The following CREB3L1 variants were observed in gnomAD, a reference collection of about 807,000 sequenced individuals.
The protein encoded by CREB3L1 is cyclic AMP-responsive element-binding protein 3-like protein 1.
A neutral mutation model predicts 54.5 loss-of-function variants in CREB3L1; 33 were observed. That is an observed-to-expected ratio of 0.61 (90% CI 0.46 to 0.81). The LOEUF (loss-of-function observed/expected upper bound fraction) is 0.81. CREB3L1 is among the 30% of genes least tolerant of loss of function. CREB3L1 has a pLI of 0.00. For synonymous variants in CREB3L1, 284 were observed against 286.4 expected (o/e 0.99, Z 0.08); for missense variants, 656 against 673.3 (o/e 0.97, Z 0.29).
intron 1 of CREB3L1, among the ~76,000 whole-genome samples, chr11:46,298,021 C>A (rs765700479): frequency 6.6e-6 from 1 of 152,162 alleles, no homozygotes; most frequent in South Asian, 2.1e-4. Flanking sequence ...GAGGTAGGAA[C>A]TATTATTTTC....
chr11:46,307,742 G>GGTA, intron 2 of CREB3L1, 74 bp from the exon 3 acceptor site: 1 of 1,317,798 alleles, frequency 7.6e-7, no homozygotes, highest in South Asian at 1.5e-5. Flanking sequence ...TTCAGCCTAG[G>GGTA]GTAGCTCCCA....
intron 5 of CREB3L1, among the ~76,000 whole-genome samples, chr11:46,311,684 G>T (rs117246933): frequency 0.088 from 13,446 of 152,184 alleles, 801 homozygotes; most frequent in Middle Eastern, 0.18. Flanking sequence ...TTTTAGTAGA[G>T]ACAGCATTTC....
At chr11:46,294,960 G>T (rs1011833603) in intron 1 of CREB3L1, among the ~76,000 whole-genome samples, 1 of 152,004 alleles carries the variant, frequency 6.6e-6, no homozygotes, top group Non-Finnish European at 1.5e-5. Flanking sequence ...AGGAATGTCC[G>T]GGCTCAGGAT....
chr11:46,311,669 T>C (rs1317548900), intron 5 of CREB3L1, among the ~76,000 whole-genome samples: 1 of 152,188 alleles, frequency 6.6e-6, no homozygotes, highest in East Asian at 1.9e-4. Context: ...AGCTAATTTA[T>C]GTACTTTTAG....
At chr11:46,316,458 G>A in intron 9 of CREB3L1, 73 bp downstream of exon 9, 1 of 1,026,900 alleles carries the variant, frequency 9.7e-7, no homozygotes, top group Non-Finnish European at 1.5e-6. Flanking sequence ...TCCAGGGTTG[G>A]GCAGAGCTTT....
At chr11:46,311,245 G>C (rs559287577) in intron 5 of CREB3L1, 56 bp downstream of exon 5, 1 of 1,452,906 alleles carries the variant, frequency 6.9e-7, no homozygotes, top group African/African-American at 1.4e-5. Flanking sequence ...ACATCCACCT[G>C]AGCACACTGG....
chr11:46,294,608 G>C (rs1343000600), intron 1 of CREB3L1, among the ~76,000 whole-genome samples: 2 of 152,064 alleles, frequency 1.3e-5, no homozygotes, highest in Admixed American at 6.5e-5. Flanking sequence ...TTTAGCTCTG[G>C]GAAGGCAAGG....
At position 46,300,056 on chromosome 11, in the gene CREB3L1, T is replaced by C. The variant is rs749231757; in HGVS notation, c.224T>C (p.Leu75Pro). ...AAGAGCCCTCTATTGGACATGGAAC[T>C]GGACTCCCCTACGCCAGGCATCCAG... ...DEKSPLLDME[L>P]DSPTPGIQAE... Residue 75 changes from leucine (L) to proline (P), a missense_variant, in exon 2 of 12, where the codon CTG (leucine) becomes CCG (proline). Around this residue, in one of 3 missense-constraint regions of CREB3L1, gnomAD observed 339 missense variants for 331.5 expected, o/e 1.02. Coordinates refer to ENST00000621158, the MANE Select transcript of CREB3L1 (RefSeq NM_052854.4). 11 of 1,613,836 alleles carry C rather than the reference T, an allele frequency of 6.8e-6. No homozygotes were observed. The highest frequency in any genetic ancestry group is 7.6e-6 in the Non-Finnish European group (9 of 1,179,876).
chr11:46,286,654 G>A (rs1194579686), intron 1 of CREB3L1, among the ~76,000 whole-genome samples: 2 of 151,872 alleles, frequency 1.3e-5, no homozygotes, highest in African/African-American at 4.8e-5. Context: ...GCGTGGTGGC[G>A]GGAGCCTGTA....
intron 1 of CREB3L1, among the ~76,000 whole-genome samples, chr11:46,288,361 C>T (rs753534982): frequency 4.6e-5 from 7 of 152,170 alleles, no homozygotes; most frequent in Admixed American, 1.3e-4. Context: ...GGATTATAGG[C>T]GTGAGCCACC....
intron 1 of CREB3L1, among the ~76,000 whole-genome samples, chr11:46,280,114 T>C (rs527352316): frequency 4.0e-5 from 6 of 151,458 alleles, no homozygotes; most frequent in African/African-American, 9.7e-5. Context: ...TTTAATTCTG[T>C]CTCTGTTTCT....
At chr11:46,297,891 T>C (rs764306511) in intron 1 of CREB3L1, among the ~76,000 whole-genome samples, 6 of 152,212 alleles carry the variant, frequency 3.9e-5, no homozygotes, top group Non-Finnish European at 7.3e-5. Context: ...GATCGAGCAT[T>C]CACTCTGTAG....
Position 46,316,256 on chromosome 11 carries a change from C to T in CREB3L1, c.1032-30C>T, listed in dbSNP as rs370433381. 30 of 1,450,220 alleles carry T rather than the reference C, an allele frequency of 2.1e-5. No homozygotes were observed. The African/African-American group carries it at 3.8e-4, about 18-fold the overall frequency. The allele number at this position is 1,450,220 out of a possible 1,614,324, so 89.8% of individuals were successfully genotyped here. On this transcript the variant is annotated intron_variant, in intron 8 of 11. Transcript: ENST00000621158. ...GGCAGAGATGCCTGCGGGGTCAAAG[C>T]CTGCCAGCTGACTGCTGTGCCCTCC... is the stretch of plus-strand genomic sequence containing the variant.
At chr11:46,291,404 G>A (rs1939128258) in intron 1 of CREB3L1, among the ~76,000 whole-genome samples, 2 of 152,132 alleles carry the variant, frequency 1.3e-5, no homozygotes, top group Admixed American at 6.5e-5. Context: ...GGATATGAAC[G>A]TTCCCATTTT....
At chr11:46,308,709 C>T (rs906426310) in intron 3 of CREB3L1, among the ~76,000 whole-genome samples, 4 of 152,204 alleles carry the variant, frequency 2.6e-5, no homozygotes, top group African/African-American at 9.6e-5. Flanking sequence ...TAGATGGGAG[C>T]GTGGCTGGCC....
chr11:46,312,549 T>TC, intron 6 of CREB3L1, 63 bp from the exon 7 acceptor site: 1 of 1,608,200 alleles, frequency 6.2e-7, no homozygotes. Flanking sequence ...GCTCTGAAAT[T>TC]GGGGGGCCCA....
At chr11:46,299,670 A>T (rs1939264644) in intron 1 of CREB3L1, among the ~76,000 whole-genome samples, 1 of 152,206 alleles carries the variant, frequency 6.6e-6, no homozygotes. Flanking sequence ...ACCCTTGCAG[A>T]TAACAATGGT....
chr11:46,312,258 C>A, intron 5 of CREB3L1, 67 bp from the exon 6 acceptor site: 2 of 1,389,108 alleles, frequency 1.4e-6, no homozygotes, highest in Non-Finnish European at 2.0e-6. Flanking sequence ...ATAGATAGCA[C>A]ATGGCAGAGC....
At chr11:46,315,243 AC>A in intron 8 of CREB3L1, 1 of 229,690 alleles carries the variant, frequency 4.4e-6, no homozygotes, top group African/African-American at 2.3e-5. Flanking sequence ...CCCCCACCCC[AC>A]CCCTCTGTCT....
Sources: gnomAD v4.1 joint callset for allele counts (sites outside exome capture counted in the v4.1 genomes callset) on GRCh38, gnomAD v4.1.1 for gene constraint, gnomAD v4.1.1 regional missense constraint, MANE v1.5 for transcripts, NCBI Gene and HGNC (gene_info 2026-07-23, HGNC 2026-07-21) for gene names.